Variants in TOP1MT observed in about 807,000 individuals in gnomAD.
TOP1MT encodes DNA topoisomerase I mitochondrial.
A neutral mutation model predicts 73.9 loss-of-function variants in TOP1MT; 80 were observed. The observed-to-expected ratio is 1.08, with a 90% CI of 0.90 to 1.30. The LOEUF (loss-of-function observed/expected upper bound fraction) is 1.30, where lower values mean the gene tolerates loss of function less well. TOP1MT is among the 50% of genes most tolerant of loss of function. TOP1MT has a pLI of 0.00. For missense variants in TOP1MT, 815 were observed against 808.0 expected, an observed-to-expected ratio of 1.01 and a Z score of -0.10; for synonymous variants, 338 against 326.4, an observed-to-expected ratio of 1.04 and a Z score of -0.38.
chr8:143,334,551 T>TG (rs1024672529), intron 1 of TOP1MT, among the ~76,000 whole-genome samples, 189 bp downstream of exon 1: 3 of 152,050 alleles, frequency 2.0e-5, no homozygotes, highest in South Asian at 2.1e-4. Flanking sequence ...GGCGACGTCA[T>TG]GGGGGGGCCT....
At chr8:143,318,173 C>G (rs1816230100) in intron 8 of TOP1MT, 87 bp from the exon 9 acceptor site, 1 of 1,247,088 alleles carries the variant, frequency 8.0e-7, no homozygotes, top group African/African-American at 1.5e-5. Flanking sequence ...GCCTGGGAGC[C>G]CACGGGAGGC....
At chr8:143,336,376 C>T (rs948390148), upstream of TOP1MT, among the ~76,000 whole-genome samples, 1 of 152,086 alleles carries the variant, frequency 6.6e-6, no homozygotes, top group Non-Finnish European at 1.5e-5. Context: ...GCAGACAAAT[C>T]CAGCACCATT....
At chr8:143,339,842 C>T (rs1245228914), upstream of TOP1MT, among the ~76,000 whole-genome samples, 6 of 139,016 alleles carry the variant, frequency 4.3e-5, no homozygotes, top group South Asian at 4.7e-4. Flanking sequence ...GCATTCCCCC[C>T]GTCCCAGCAC....
chr8:143,340,528 C>T (rs1350854365), intron 2 of TOP1MT, among the ~76,000 whole-genome samples: 1 of 152,112 alleles, frequency 6.6e-6, no homozygotes, highest in Non-Finnish European at 1.5e-5. Context: ...CCTCCTTCCA[C>T]TTCTCTCTGC....
upstream of TOP1MT, chr8:143,334,906 C>T: frequency 1.5e-6 from 2 of 1,361,302 alleles, no homozygotes; most frequent in Admixed American, 4.1e-5. Context: ...CCCGCCCCAG[C>T]GGCCAGCCCC....
chr8:143,319,053 T>A (rs1443162950), intron 8 of TOP1MT, among the ~76,000 whole-genome samples: 1 of 152,154 alleles, frequency 6.6e-6, no homozygotes, highest in Non-Finnish European at 1.5e-5. Flanking sequence ...AGCCGATGCT[T>A]CACCACGGCA....
chr8:143,330,490 C>T (rs375169673), intron 2 of TOP1MT, among the ~76,000 whole-genome samples: 1 of 152,234 alleles, frequency 6.6e-6, no homozygotes, highest in Non-Finnish European at 1.5e-5. Flanking sequence ...AGGCTTTGAA[C>T]AAAACATTGC....
chr8:143,322,098 C>G (rs1420482158), intron 7 of TOP1MT, among the ~76,000 whole-genome samples: 5 of 111,808 alleles, frequency 4.5e-5, no homozygotes, highest in African/African-American at 1.1e-4. Flanking sequence ...ATGCCAAACA[C>G]GCACGCCACA....
At chr8:143,313,998 C>T (rs1816083891) in intron 12 of TOP1MT, among the ~76,000 whole-genome samples, 1 of 152,112 alleles carries the variant, frequency 6.6e-6, no homozygotes, top group African/African-American at 2.4e-5. Context: ...AGAGACGATA[C>T]AGAAGTGGGC....
At chr8:143,347,679 A>G (rs1333375214), upstream of TOP1MT, among the ~76,000 whole-genome samples, 1 of 133,172 alleles carries the variant, frequency 7.5e-6, no homozygotes, top group Non-Finnish European at 1.6e-5. Flanking sequence ...TTGAAACCAC[A>G]GCAGGCAGGC....
At chr8:143,321,982 C>T (rs1314734869) in intron 7 of TOP1MT, among the ~76,000 whole-genome samples, 6 of 63,310 alleles carry the variant, frequency 9.5e-5, no homozygotes, top group East Asian at 9.9e-4. Context: ...ACCACACGCA[C>T]GCCACACACA....
chr8:143,317,097 C>T (rs1816187205), intron 10 of TOP1MT, among the ~76,000 whole-genome samples: 1 of 152,248 alleles, frequency 6.6e-6, no homozygotes, highest in Admixed American at 6.5e-5. Context: ...TCGGCGCCTC[C>T]TCCAGGAAGC....
At position 143,309,418 on chromosome 8, in the gene TOP1MT, A is replaced by G; in HGVS notation, c.*23T>C. The G allele has an allele frequency of 6.2e-7, 1 of 1,610,870 alleles. No individual in the cohort carries two copies. Among genetic ancestry groups the G allele is most frequent in the South Asian group, 1.1e-5 (1 of 91,040 alleles). ...TGAAAAAAACACACACACATACAAA[A>G]GAAGTTTCAACACGGCTCGTCGTTA... On this transcript the variant is annotated 3_prime_UTR_variant, in exon 14 of 14. Coordinates refer to ENST00000329245, the MANE Select transcript of TOP1MT (RefSeq NM_052963.3).
At chr8:143,331,189 G>C (rs760318021) in intron 2 of TOP1MT, 35 bp downstream of exon 2, 6 of 1,535,180 alleles carry the variant, frequency 3.9e-6, no homozygotes, top group East Asian at 4.6e-5. Context: ...GGAACCAAGC[G>C]CAGGCTGGGG....
chr8:143,319,995 G>A (rs942131383), intron 8 of TOP1MT, among the ~76,000 whole-genome samples: 1 of 151,690 alleles, frequency 6.6e-6, no homozygotes. Context: ...TTGGTGGCAG[G>A]CACCTGTAAT....
chr8:143,354,511 G>T (rs1260933314), intron 1 of TOP1MT, among the ~76,000 whole-genome samples: 1 of 152,076 alleles, frequency 6.6e-6, no homozygotes, highest in Non-Finnish European at 1.5e-5. Flanking sequence ...TCGGGAGTTT[G>T]AGACCAGCCT....
upstream of TOP1MT, among the ~76,000 whole-genome samples, chr8:143,346,817 A>G (rs577615371): frequency 5.4e-4 from 82 of 152,280 alleles, no homozygotes; most frequent in Non-Finnish European, 8.8e-4. Context: ...ACTAGCGCAC[A>G]GGTCAGAGGG....
rs1309464460 is a variant in TOP1MT, at chr8:143,324,087, T to C, written c.872A>G (p.Asp291Gly). ...ETARRLRGFV[D>G]EIRSQYRADW... ...AGCCCGGTACTGGGAGCGGATCTCGTCCACAAATCCCCGCAGGCGTCGAGC... is the reference window on the plus strand; with the variant it reads ...AGCCCGGTACTGGGAGCGGATCTCGCCCACAAATCCCCGCAGGCGTCGAGC... The change falls in exon 7 of 14, where the codon GAC (aspartate) becomes GGC (glycine). Residue 291 changes from aspartate to glycine, a missense_variant. This residue lies in a region of TOP1MT where 751 missense variants were observed against 725.4 expected (regional missense o/e 1.04). Coordinates refer to ENST00000329245, the MANE Select transcript of TOP1MT (RefSeq NM_052963.3). The C allele has an allele frequency of 6.2e-7, 1 of 1,613,778 alleles. No individual in the cohort carries two copies. Among genetic ancestry groups the C allele is most frequent in the East Asian group, 2.2e-5 (1 of 44,894 alleles).
Position 143,329,422 on chromosome 8 carries a change from A to G in TOP1MT, c.288T>C (p.Tyr96=). The change falls in exon 3 of 14, where the codon TAT becomes TAC. Residue 96 remains tyrosine, a synonymous_variant. Transcript: ENST00000329245. ...TGTATTCATGATCTAACATCCTCCC[A>G]TAAAAAGTGGCGACCTCCTCCGCTG... ...SVAAEEVATF[Y]GRMLDHEYTT... 1 of 1,610,428 alleles carries G rather than the reference A, an allele frequency of 6.2e-7. No homozygotes were observed. The highest frequency in any genetic ancestry group is 2.2e-5 in the East Asian group (1 of 44,650).
Sources: gnomAD v4.1 joint callset for allele counts (sites outside exome capture counted in the v4.1 genomes callset) on GRCh38, gnomAD v4.1.1 for gene constraint, gnomAD v4.1.1 regional missense constraint, MANE v1.5 for transcripts, NCBI Gene and HGNC (gene_info 2026-07-23, HGNC 2026-07-21) for gene names.